Variants in PRDM16 observed in about 807,000 individuals in gnomAD.
PRDM16 encodes the protein PR/SET domain 16.
A neutral mutation model predicts 110.6 loss-of-function variants in PRDM16; 23 were observed. The observed-to-expected ratio is 0.21, with a 90% CI of 0.15 to 0.29. PRDM16 has a LOEUF of 0.29. PRDM16 is among the 10% of genes least tolerant of loss of function. PRDM16 has a pLI of 1.00. For missense variants in PRDM16, 1,615 were observed against 1,794.3 expected, an observed-to-expected ratio of 0.90 and a Z score of 1.81; for synonymous variants, 799 against 781.8, an observed-to-expected ratio of 1.02 and a Z score of -0.37.
rs1051421942 is a variant in PRDM16 at position 3,201,424 on chromosome 1, A to T, written c.387+14950A>T. Among the ~76,000 whole-genome samples, 1 of 152,076 alleles carries T rather than the reference A, an allele frequency of 6.6e-6. No homozygotes were observed. On this transcript the variant is annotated intron_variant, in intron 2 of 16. Transcript: ENST00000270722. The surrounding 1 kb of genome is among the most constrained non-coding windows in gnomAD (Gnocchi z 4.1). ...CAAGTCCAGTAGCCCAAGCCACGGG[A>T]GCCAGCCTCACCCTGGCCCCACACC...
intron 3 of PRDM16, among the ~76,000 whole-genome samples, chr1:3,280,662 A>C (rs1640694591): frequency 6.6e-6 from 1 of 152,184 alleles, no homozygotes; most frequent in African/African-American, 2.4e-5. Flanking sequence ...ACCAACTAAG[A>C]ACTAAGACCT....
At chr1:3,087,013 G>A (rs553687455) in intron 1 of PRDM16, among the ~76,000 whole-genome samples, 14 of 152,320 alleles carry the variant, frequency 9.2e-5, no homozygotes, top group African/African-American at 3.1e-4. Flanking sequence ...AAGTCCAAGT[G>A]AGGGAAGTTC....
Position 3,245,347 on chromosome 1 carries a change from G to A in PRDM16, c.438+1210G>A, listed in dbSNP as rs1191479399. On this transcript the variant is annotated intron_variant, in intron 3 of 16. Coordinates refer to ENST00000270722, the MANE Select transcript of PRDM16 (RefSeq NM_022114.4). The surrounding 1 kb of genome is among the most constrained non-coding windows in gnomAD (Gnocchi z 4.7). ...GAGGCATTTGGGCAGAGCTGCCTAC[G>A]AGGGACAGGGGACCCACCATCTGGG... 2.6e-5 allele frequency among the ~76,000 whole-genome samples: 4 copies of A among 152,192 alleles called. No homozygotes were observed. Among genetic ancestry groups the A allele is most frequent in the African/African-American group, 9.6e-5 (4 of 41,454 alleles).
At chr1:3,262,789 T>C (rs1052432485) in intron 3 of PRDM16, among the ~76,000 whole-genome samples, 8 of 151,870 alleles carry the variant, frequency 5.3e-5, no homozygotes, top group Non-Finnish European at 8.8e-5. Flanking sequence ...GGACGACACC[T>C]GCGGGGTGCT....
chr1:3,179,356 A>T (rs1055100846), intron 1 of PRDM16, among the ~76,000 whole-genome samples: 7 of 152,206 alleles, frequency 4.6e-5, no homozygotes, highest in Admixed American at 2.0e-4. Flanking sequence ...GTGTGGTTCC[A>T]GCCCTCAGCC....
intron 1 of PRDM16, among the ~76,000 whole-genome samples, chr1:3,123,734 C>A (rs1480091347): frequency 1.3e-5 from 2 of 152,224 alleles, no homozygotes; most frequent in Non-Finnish European, 2.9e-5. Flanking sequence ...ATTTGCCTCC[C>A]GGTGGCCCGA....
intron 8 of PRDM16, among the ~76,000 whole-genome samples, chr1:3,410,479 C>G (rs950135995): frequency 2.0e-5 from 3 of 152,202 alleles, no homozygotes; most frequent in Non-Finnish European, 4.4e-5. Context: ...GGGGTGACCT[C>G]CTATCCATGT....
At chr1:3,426,330 C>A in intron 14 of PRDM16, 105 bp downstream of exon 14, 1 of 932,586 alleles carries the variant, frequency 1.1e-6, no homozygotes, top group Non-Finnish European at 1.6e-6. Flanking sequence ...GCCCCTAACA[C>A]ATCCAGATAG....
intron 3 of PRDM16, among the ~76,000 whole-genome samples, chr1:3,360,437 G>A (rs148941518): frequency 3.3e-5 from 5 of 152,262 alleles, no homozygotes; most frequent in African/African-American, 9.6e-5. Flanking sequence ...CTCTGTCACC[G>A]GCTGACACCA....
intron 8 of PRDM16, among the ~76,000 whole-genome samples, chr1:3,410,055 GGT>G (rs1473210452): frequency 1.6e-5 from 2 of 121,324 alleles, no homozygotes; most frequent in East Asian, 2.2e-4. Context: ...GTACGAATGT[GGT>G]GTGTGGTTGT....
intron 1 of PRDM16, among the ~76,000 whole-genome samples, chr1:3,090,488 C>T (rs565081618): frequency 3.9e-5 from 6 of 152,370 alleles, no homozygotes; most frequent in Admixed American, 2.0e-4. Flanking sequence ...ACCCATGAAA[C>T]GTGGACATTC....
At chr1:3,279,877 C>A (rs1036715254) in intron 3 of PRDM16, among the ~76,000 whole-genome samples, 1 of 1,112 alleles carries the variant, frequency 9.0e-4, no homozygotes, top group Non-Finnish European at 1.7e-3. Flanking sequence ...CTCCTCCCAC[C>A]CCCCCCGGGC....
chr1:3,158,176 G>A (rs1033687190), intron 1 of PRDM16, among the ~76,000 whole-genome samples: 1 of 152,110 alleles, frequency 6.6e-6, no homozygotes, highest in African/African-American at 2.4e-5. Context: ...CACCATCCCC[G>A]TAACGGGATA....
At position 3,375,450 on chromosome 1, in the gene PRDM16, GGGCTGCAGCCCAT is replaced by G. The variant is rs540431494; in HGVS notation, c.439-9697_439-9685del. On this transcript the variant is annotated intron_variant, in intron 3 of 16. Transcript: ENST00000270722. ...TGTGCTCCTTTATTTCTGACGGTCAGGGCTGCAGCCCATGGCTCACAAGCCAAACCTCAGAGGT... is the reference window on the plus strand; with the variant it reads ...TGTGCTCCTTTATTTCTGACGGTCAGGGCTCACAAGCCAAACCTCAGAGGT... 1.0e-3 allele frequency among the ~76,000 whole-genome samples: 157 copies of G among 152,386 alleles called. 4 individuals carry two copies. The East Asian group carries it at 0.026, about 25-fold the overall frequency.
intron 1 of PRDM16, among the ~76,000 whole-genome samples, chr1:3,072,281 C>T (rs1330136278): frequency 6.6e-6 from 1 of 152,196 alleles, no homozygotes; most frequent in East Asian, 1.9e-4. Context: ...CCAAGGTGCT[C>T]TCTGGATCAC....
Position 3,405,531 on chromosome 1 carries a change from C to T in PRDM16, c.1069C>T (p.Arg357Cys), listed in dbSNP as rs774523031. The T allele has an allele frequency of 3.7e-6, 6 of 1,602,952 alleles. No individual in the cohort carries two copies. Among genetic ancestry groups the T allele is most frequent in the East Asian group, 2.3e-5 (1 of 44,414 alleles). The stretch of plus-strand genomic sequence containing the variant: ...CCCCAGCAACCTTCAGCGGCACATC[C>T]GCTCGCAGCACGTGGGCGCTCGGGC... ...TDPSNLQRHI[R>C]SQHVGARAHA... The change falls in exon 8 of 17, where the codon CGC (arginine) becomes TGC (cysteine). Residue 357 changes from arginine (R) to cysteine (C), a missense_variant. By Grantham distance (180) the Arg-to-Cys change is radical. This residue lies in a region of PRDM16 where 82 missense variants were observed against 144.4 expected (regional missense o/e 0.57). Transcript: ENST00000270722.
intron 1 of PRDM16, among the ~76,000 whole-genome samples, chr1:3,090,130 T>A (rs1170797645): frequency 6.6e-6 from 1 of 152,186 alleles, no homozygotes; most frequent in Non-Finnish European, 1.5e-5. Context: ...TGCTCATTCG[T>A]GACATGGGGA....
intron 2 of PRDM16, among the ~76,000 whole-genome samples, chr1:3,224,476 G>A (rs1217068858): frequency 2.0e-5 from 3 of 151,934 alleles, no homozygotes; most frequent in African/African-American, 7.3e-5. Context: ...CATGTGCCCA[G>A]GGCCACTCTC....
intron 2 of PRDM16, among the ~76,000 whole-genome samples, chr1:3,195,319 C>G (rs575385825): frequency 1.3e-5 from 2 of 152,296 alleles, no homozygotes; most frequent in African/African-American, 4.8e-5. Flanking sequence ...AAATCCTGCA[C>G]TATCTTCGGC....
Sources: allele counts gnomAD v4.1 joint callset (sites outside exome capture counted in the v4.1 genomes callset), GRCh38; gene constraint gnomAD v4.1.1; regional missense constraint gnomAD v4.1.1; non-coding constraint Gnocchi (gnomAD v3.1); transcripts MANE v1.5; gene names NCBI Gene and HGNC (gene_info 2026-07-23, HGNC 2026-07-21).